FRA10AC1: variants seen among roughly 807,000 people sequenced by gnomAD.
FRA10AC1 encodes FRA10A associated CGG repeat 1.
Under a neutral mutation model 56.5 loss-of-function variants are expected in FRA10AC1, and 43 were observed. The ratio of observed to expected loss-of-function variants is 0.76; its 90% CI spans 0.60 to 0.98. FRA10AC1 has a LOEUF of 0.98. FRA10AC1 is among the 50% of genes least tolerant of loss of function. The pLI, the probability that FRA10AC1 is intolerant of heterozygous loss-of-function variation, is 0.00. For synonymous variants in FRA10AC1, 112 were observed against 110.5 expected, an observed-to-expected ratio of 1.01 and a Z score of -0.09; for missense variants, 346 against 351.8, an observed-to-expected ratio of 0.98 and a Z score of 0.13.
At chr10:93,675,367 ATTATT>A (rs1272558726) in intron 12 of FRA10AC1, 5 of 152,274 alleles carry the variant, frequency 3.3e-5, no homozygotes, top group South Asian at 2.1e-4. Context: ...CACAATAAAT[ATTATT>A]TTAAAGTCAT....
intron 7 of FRA10AC1, among the ~76,000 whole-genome samples, chr10:93,691,153 C>T (rs911806282): frequency 3.9e-5 from 6 of 152,074 alleles, no homozygotes; most frequent in African/African-American, 1.4e-4. Flanking sequence ...CCTTTTCCAG[C>T]TATAATTTGA....
At position 93,685,307 on chromosome 10, in the gene FRA10AC1, A is replaced by T. The variant is rs762729942; in HGVS notation, c.564T>A (p.Ser188Arg). ...KYCDKKEGLK[S>R]WEVNFGYIEH... Reference sequence around the variant, plus strand: ...CAATATAACCAAAATTAACTTCCCAACTCTTTAAGCCTTCTTTTTTATCAC... The same window carrying T: ...CAATATAACCAAAATTAACTTCCCATCTCTTTAAGCCTTCTTTTTTATCAC... Residue 188 changes from serine (S) to arginine (R), a missense_variant, in exon 9 of 14, where the codon AGT becomes AGA. Ser to Arg is a moderately radical substitution (Grantham distance 110). Coordinates refer to ENST00000359204, the MANE Select transcript of FRA10AC1 (RefSeq NM_145246.5). The T allele has an allele frequency of 9.4e-6, 15 of 1,588,406 alleles. No homozygotes were observed. The highest frequency in any genetic ancestry group is 1.3e-5 in the Non-Finnish European group (15 of 1,159,712).
intron 13 of FRA10AC1, among the ~76,000 whole-genome samples, chr10:93,670,266 T>G (rs1007970523): frequency 3.9e-5 from 6 of 152,158 alleles, no homozygotes; most frequent in African/African-American, 1.2e-4. Flanking sequence ...AATGTAAGCC[T>G]AAGTTATATT....
intron 5 of FRA10AC1, among the ~76,000 whole-genome samples, chr10:93,693,516 TATATATATATAC>T (rs2059166774): frequency 7.8e-5 from 4 of 51,446 alleles, no homozygotes; most frequent in African/African-American, 3.5e-4. Context: ...ATACACCATA[TATATATATATAC>T]ACCATATATA....
At chr10:93,689,857 T>C (rs1284108028) in intron 7 of FRA10AC1, among the ~76,000 whole-genome samples, 2 of 152,162 alleles carry the variant, frequency 1.3e-5, no homozygotes, top group Admixed American at 6.6e-5. Flanking sequence ...ACAAGAAGGA[T>C]TCTGACTTTA....
intron 13 of FRA10AC1, among the ~76,000 whole-genome samples, chr10:93,670,483 G>C (rs999380877): frequency 6.6e-6 from 1 of 152,096 alleles, no homozygotes; most frequent in Non-Finnish European, 1.5e-5. Flanking sequence ...TGATGGAATA[G>C]GCTTCTCTGG....
chr10:93,698,731 A>G (rs574523878), intron 2 of FRA10AC1, among the ~76,000 whole-genome samples: 31 of 152,262 alleles, frequency 2.0e-4, no homozygotes, highest in African/African-American at 7.5e-4. Context: ...TCATTTCTCT[A>G]TCTGTAACAT....
At chr10:93,689,059 GGT>G (rs143822363) in intron 7 of FRA10AC1, among the ~76,000 whole-genome samples, 5,455 of 109,872 alleles carry the variant, frequency 0.05, 290 homozygotes, top group East Asian at 0.31. Context: ...TTTGTTGTGG[GGT>G]TTTTTTTTTT....
chr10:93,687,316 T>C, intron 8 of FRA10AC1, 88 bp downstream of exon 8: 1 of 1,022,144 alleles, frequency 9.8e-7, no homozygotes, highest in Non-Finnish European at 1.4e-6. Flanking sequence ...ATTTCTTGTA[T>C]ATGTTAGGAA....
chr10:93,673,928 T>C, intron 12 of FRA10AC1: 1 of 246,914 alleles, frequency 4.0e-6, no homozygotes, highest in Non-Finnish European at 8.2e-6. Flanking sequence ...ATTTCACTGA[T>C]GAACAGTTAT....
intron 7 of FRA10AC1, among the ~76,000 whole-genome samples, chr10:93,688,460 T>C (rs1030830370): frequency 3.3e-5 from 5 of 152,130 alleles, no homozygotes; most frequent in African/African-American, 7.2e-5. Flanking sequence ...GTCAAAGCAG[T>C]TGAATGTACA....
Position 93,702,278 on chromosome 10 carries a change from C to CA in FRA10AC1, c.-1+96dup, listed in dbSNP as rs373043710. 61 of 149,308 alleles carry CA rather than the reference C, an allele frequency of 4.1e-4. 1 individual carries two copies. The highest frequency in any genetic ancestry group is 3.0e-3 in the South Asian group (14 of 4,708). The allele number at this position is 149,308 out of a possible 1,614,324, so 9.2% of individuals were successfully genotyped here. ...CAAAAAAAAAAAAACCAAACCAAAA[C>CA]AAAAAAAAACCCGACGATCAGCTAG... On this transcript the variant is annotated intron_variant, in intron 1 of 13. Coordinates refer to ENST00000359204, the MANE Select transcript of FRA10AC1 (RefSeq NM_145246.5).
At chr10:93,694,988 C>A in intron 4 of FRA10AC1, 51 bp from the exon 5 acceptor site, 2 of 936,098 alleles carry the variant, frequency 2.1e-6, no homozygotes, top group South Asian at 2.7e-5. Flanking sequence ...TGTTTGGTGT[C>A]ATAATATATT....
rs73312818 is a variant in FRA10AC1 at position 93,702,183 on chromosome 10, A to T, written c.-1+192T>A. On this transcript the variant is annotated intron_variant, in intron 1 of 13. Transcript: ENST00000359204. ...AAAAGCTCTCACTCACTTCAGGCCTACGAATCAACTGACAAGAGCGGGGAG... is the reference window on the plus strand; with the variant it reads ...AAAAGCTCTCACTCACTTCAGGCCTTCGAATCAACTGACAAGAGCGGGGAG... Among the ~76,000 whole-genome samples the T allele has an allele frequency of 7.9e-3, 1,199 of 151,656 alleles. 20 individuals are homozygous for T. Among genetic ancestry groups the T allele is most frequent in the African/African-American group, 0.027 (1,120 of 41,304 alleles).
chr10:93,677,254 C>T (rs753761678), intron 11 of FRA10AC1, among the ~76,000 whole-genome samples: 15 of 151,980 alleles, frequency 9.9e-5, no homozygotes, highest in Non-Finnish European at 1.9e-4. Flanking sequence ...AAAATCACCA[C>T]GATACAGAGC....
intron 12 of FRA10AC1, 107 bp downstream of exon 12, chr10:93,676,546 A>G (rs1226791566): frequency 7.2e-7 from 1 of 1,396,356 alleles, no homozygotes; most frequent in East Asian, 3.0e-5. Context: ...AAAATAATTA[A>G]CAAAAACAAA....
At chr10:93,683,356 C>CTT (rs35621433) in intron 10 of FRA10AC1, among the ~76,000 whole-genome samples, 1 of 148,592 alleles carries the variant, frequency 6.7e-6, no homozygotes, top group Non-Finnish European at 1.5e-5. Context: ...CTGATTTTAA[C>CTT]TTTTTTTTTT....
At chr10:93,691,842 C>G in intron 7 of FRA10AC1, 167 bp downstream of exon 7, 1 of 640,584 alleles carries the variant, frequency 1.6e-6, no homozygotes, top group South Asian at 2.7e-5. Flanking sequence ...CTTTTGTAAA[C>G]TCCACAGCTG....
intron 11 of FRA10AC1, among the ~76,000 whole-genome samples, chr10:93,678,105 G>A (rs999296088): frequency 1.3e-5 from 2 of 152,200 alleles, no homozygotes; most frequent in African/African-American, 4.8e-5. Flanking sequence ...ATTGGAATAT[G>A]TAAGAGGAAC....
Sources: allele counts gnomAD v4.1 joint callset (sites outside exome capture counted in the v4.1 genomes callset), GRCh38; gene constraint gnomAD v4.1.1; transcripts MANE v1.5; gene names NCBI Gene and HGNC (gene_info 2026-07-23, HGNC 2026-07-21).